The following ZNRF3 variants were observed in gnomAD, a reference collection of about 807,000 sequenced individuals.
The protein encoded by ZNRF3 is zinc and ring finger 3, also known as E3 ubiquitin-protein ligase ZNRF3.
In ZNRF3, 23 loss-of-function variants were observed where a neutral mutation model predicts 72.5. The observed-to-expected ratio is 0.32, with a 90% CI of 0.23 to 0.45. ZNRF3 has a LOEUF of 0.45. ZNRF3 is among the 20% of genes least tolerant of loss of function. The pLI is 1.00. For synonymous variants in ZNRF3, 610 were observed against 545.3 expected, an observed-to-expected ratio of 1.12 and a Z score of -1.65; for missense variants, 1,169 against 1,272.1, an observed-to-expected ratio of 0.92 and a Z score of 1.23.
At chr22:28,933,451 G>T (rs752739553) in intron 1 of ZNRF3, among the ~76,000 whole-genome samples, 25 of 152,126 alleles carry the variant, frequency 1.6e-4, no homozygotes, top group Non-Finnish European at 3.2e-4. Flanking sequence ...TCATGATAAC[G>T]ATTAAGGAGT....
At chr22:28,935,999 G>A (rs1422608190) in intron 1 of ZNRF3, among the ~76,000 whole-genome samples, 1 of 152,062 alleles carries the variant, frequency 6.6e-6, no homozygotes, top group African/African-American at 2.4e-5. Flanking sequence ...AGAGGAGTTC[G>A]GGGGTGCAGA....
At chr22:28,920,992 C>A (rs935705158) in intron 1 of ZNRF3, among the ~76,000 whole-genome samples, 8 of 152,248 alleles carry the variant, frequency 5.3e-5, no homozygotes, top group Admixed American at 5.2e-4. Flanking sequence ...TCCCAGCCCA[C>A]TGGCCACATG....
intron 2 of ZNRF3, among the ~76,000 whole-genome samples, chr22:29,033,190 A>G (rs547571746): frequency 7.9e-5 from 12 of 152,226 alleles, no homozygotes; most frequent in African/African-American, 2.9e-4. Context: ...TCTCTACTAA[A>G]AGTAGAAAAA....
intron 2 of ZNRF3, among the ~76,000 whole-genome samples, chr22:28,999,952 ACTTTT>A (rs980136177): frequency 7.2e-5 from 11 of 152,206 alleles, no homozygotes; most frequent in African/African-American, 2.7e-4. Flanking sequence ...ACATGCAATT[ACTTTT>A]CTTCTGTCCT....
chr22:29,044,572 G>A (rs943153705), intron 4 of ZNRF3, among the ~76,000 whole-genome samples: 2 of 152,216 alleles, frequency 1.3e-5, no homozygotes, highest in African/African-American at 4.8e-5. Context: ...GATCGCCACA[G>A]GCGTCCCCCT....
In ZNRF3 at chr22:29,054,382, C is replaced by T. The variant is rs913192266; in HGVS notation, c.*760C>T. 6.6e-6 allele frequency: 1 copy of T among 152,386 alleles called. No individual in the cohort carries two copies. The highest frequency in any genetic ancestry group is 2.4e-5 in the African/African-American group (1 of 41,450). 9.4% of individuals were successfully genotyped at this position (152,386 alleles called of 1,614,324 possible). A position where few individuals can be genotyped will look rare whatever the true frequency, so the allele number is the denominator to read the frequency against. On this transcript the variant is annotated 3_prime_UTR_variant, in exon 9 of 9. Transcript: ENST00000544604. ...TGATGGGGACGATTCTGCCCAGTGT[C>T]CTCAGTCTGTCCCCTCAGGTCATGG... is the stretch of plus-strand genomic sequence containing the variant.
rs951006529 is a variant in ZNRF3, at chr22:28,883,836, C to G, written c.70C>G (p.Arg24Gly). The G allele has an allele frequency of 4.2e-4, 412 of 979,212 alleles. 2 individuals carry two copies. In the South Asian group the frequency reaches 4.8e-3, roughly 11 times the overall value. The allele number at this position is 979,212 out of a possible 1,614,324, so 60.7% of individuals were successfully genotyped here. ...CCGCCGCCGCCTGCGCCGCCGCCCC[C>G]GCGGCCTCCGGTGCAGCCGCCTGCC... ...RRRRRLRRRP[R>G]GLRCSRLPPP... is the part of the protein sequence containing the mutation. Residue 24 changes from arginine (R) to glycine (G), a missense_variant, in exon 1 of 9, where the codon CGC becomes GGC. Physicochemically the swap from Arg to Gly is moderately radical, Grantham distance 125 (BLOSUM62 -2). This residue lies in a region of ZNRF3 where 386 missense variants were observed against 540.7 expected (regional missense o/e 0.71). Coordinates refer to ENST00000544604, the MANE Select transcript of ZNRF3 (RefSeq NM_001206998.2). This position sits in a 1 kb window ranked among gnomAD's most constrained non-coding sequence, Gnocchi z 5.5.
At chr22:28,978,115 C>A (rs2035706161) in intron 1 of ZNRF3, among the ~76,000 whole-genome samples, 1 of 152,092 alleles carries the variant, frequency 6.6e-6, no homozygotes, top group Non-Finnish European at 1.5e-5. Context: ...AACATAAAAC[C>A]AGTTGTTTGA....
intron 1 of ZNRF3, among the ~76,000 whole-genome samples, chr22:28,968,801 GAGTT>G (rs2035520549): frequency 6.6e-6 from 1 of 152,112 alleles, no homozygotes; most frequent in Admixed American, 6.5e-5. Flanking sequence ...CTGTCTTCTT[GAGTT>G]AGTTTTCTTT....
chr22:28,958,585 G>A (rs905655978), intron 1 of ZNRF3, among the ~76,000 whole-genome samples: 7 of 152,162 alleles, frequency 4.6e-5, no homozygotes, highest in African/African-American at 1.7e-4. Flanking sequence ...GGGAGGAAGT[G>A]GATGTGACCT....
In ZNRF3 at chr22:29,049,354, CA is replaced by C. The variant is rs1230704777; in HGVS notation, c.1175del (p.Asn392ThrfsTer6). The part of the protein sequence containing the change: ...PTRTSMDSHG[N>X]PVTLLTMDRH... ...CGAGGACAAGCATGGACTCCCACGG[CA>C]ACCCCGTCACCTTGCTGACCATGGA... On this transcript the variant is annotated frameshift_variant, in exon 8 of 9. Coordinates refer to ENST00000544604, the MANE Select transcript of ZNRF3 (RefSeq NM_001206998.2). LOFTEE classifies it high-confidence loss of function. This position sits in a 1 kb window ranked among gnomAD's most constrained non-coding sequence, Gnocchi z 5.2. The C allele has an allele frequency of 6.2e-7, 1 of 1,613,566 alleles. No homozygotes were observed. The highest frequency in any genetic ancestry group is 8.5e-7 in the Non-Finnish European group (1 of 1,180,032).
At chr22:28,950,198 T>C (rs1382413777) in intron 1 of ZNRF3, among the ~76,000 whole-genome samples, 26 of 152,216 alleles carry the variant, frequency 1.7e-4, no homozygotes, top group Admixed American at 1.7e-3. Context: ...AATAATGTCT[T>C]TGTGTTATTA....
chr22:28,944,506 G>T (rs2035010338), intron 1 of ZNRF3, among the ~76,000 whole-genome samples: 1 of 152,106 alleles, frequency 6.6e-6, no homozygotes, highest in African/African-American at 2.4e-5. Context: ...TGTAATCCCA[G>T]CACTCTGGGA....
intron 2 of ZNRF3, among the ~76,000 whole-genome samples, chr22:29,009,709 A>G (rs1258011724): frequency 6.6e-6 from 1 of 152,198 alleles, no homozygotes; most frequent in Non-Finnish European, 1.5e-5. Context: ...ACATAAAAAA[A>G]TGAACAGCCT....
At chr22:28,995,307 G>A (rs1426789989) in intron 2 of ZNRF3, among the ~76,000 whole-genome samples, 8 of 152,132 alleles carry the variant, frequency 5.3e-5, no homozygotes, top group Admixed American at 2.6e-4. Context: ...GGTGGCGGGC[G>A]CCTGTAATCC....
intron 2 of ZNRF3, among the ~76,000 whole-genome samples, chr22:28,987,432 T>C (rs1254702592): frequency 6.6e-6 from 1 of 152,226 alleles, no homozygotes; most frequent in Non-Finnish European, 1.5e-5. Flanking sequence ...TACCCTCTTG[T>C]CCATTGTGTG....
At chr22:29,014,748 G>A (rs1195623222) in intron 2 of ZNRF3, among the ~76,000 whole-genome samples, 1 of 152,232 alleles carries the variant, frequency 6.6e-6, no homozygotes, top group Non-Finnish European at 1.5e-5. Flanking sequence ...GGTCAGTAGA[G>A]GAGACACAGA....
At chr22:28,943,317 C>G (rs1361451509) in intron 1 of ZNRF3, among the ~76,000 whole-genome samples, 1 of 152,086 alleles carries the variant, frequency 6.6e-6, no homozygotes, top group Non-Finnish European at 1.5e-5. Context: ...TGCTTGCTGC[C>G]TCTACACTTG....
intron 1 of ZNRF3, among the ~76,000 whole-genome samples, chr22:28,978,039 A>G (rs149143129): frequency 6.4e-4 from 97 of 152,350 alleles, no homozygotes; most frequent in Non-Finnish European, 1.2e-3. Flanking sequence ...ATGAAACCAC[A>G]TGAAACCATG....
Sources: gnomAD v4.1 joint callset for allele counts (sites outside exome capture counted in the v4.1 genomes callset) on GRCh38, gnomAD v4.1.1 for gene constraint, gnomAD v4.1.1 regional missense constraint, Gnocchi (gnomAD v3.1) non-coding constraint, MANE v1.5 for transcripts, NCBI Gene and HGNC (gene_info 2026-07-23, HGNC 2026-07-21) for gene names.